The following KIAA1217 variants were observed in gnomAD, a reference collection of about 807,000 sequenced individuals.
KIAA1217 encodes the protein sickle tail protein homolog.
A neutral mutation model predicts 163.9 loss-of-function variants in KIAA1217; 88 were observed. The observed-to-expected ratio is 0.54, with a 90% CI of 0.45 to 0.64. The LOEUF (loss-of-function observed/expected upper bound fraction) is 0.64. Among genes scored for constraint, KIAA1217 ranks in the 30% least tolerant of loss-of-function variants. The pLI, the probability that KIAA1217 is intolerant of heterozygous loss-of-function variation, is 0.00. For missense variants in KIAA1217, 2,372 were observed against 2,475.0 expected (o/e 0.96, Z 0.88); for synonymous variants, 903 against 923.1 (o/e 0.98, Z 0.39).
chr10:23,739,015 A>G (rs1314852067), intron 1 of KIAA1217, among the ~76,000 whole-genome samples: 1 of 152,232 alleles, frequency 6.6e-6, no homozygotes, highest in Non-Finnish European at 1.5e-5. Flanking sequence ...AAGGTAAAGA[A>G]TGATTGGATA....
intron 2 of KIAA1217, among the ~76,000 whole-genome samples, chr10:24,185,191 G>A (rs1209039806): frequency 2.6e-5 from 4 of 152,114 alleles, no homozygotes; most frequent in African/African-American, 9.7e-5. Context: ...TCTCTGTTGT[G>A]GGAGTCTTCA....
intron 1 of KIAA1217, among the ~76,000 whole-genome samples, chr10:23,917,437 G>A (rs1387225650): frequency 6.6e-6 from 1 of 152,178 alleles, no homozygotes; most frequent in African/African-American, 2.4e-5. Context: ...TTGGCAGCAA[G>A]CCTAGGGCCT....
At chr10:23,880,007 G>A (rs1229653885) in intron 1 of KIAA1217, among the ~76,000 whole-genome samples, 1 of 151,912 alleles carries the variant, frequency 6.6e-6, no homozygotes, top group Non-Finnish European at 1.5e-5. Context: ...GGTGGTGGGT[G>A]CTGGAGGACA....
At chr10:24,129,802 C>A (rs1283190305) in intron 2 of KIAA1217, among the ~76,000 whole-genome samples, 1 of 152,054 alleles carries the variant, frequency 6.6e-6, no homozygotes, top group Non-Finnish European at 1.5e-5. Flanking sequence ...CAGTTTTTCA[C>A]AGAGTTCTTT....
intron 2 of KIAA1217, among the ~76,000 whole-genome samples, chr10:24,309,107 A>G (rs745400884): frequency 2.5e-4 from 29 of 114,612 alleles, no homozygotes; most frequent in Non-Finnish European, 4.2e-4. Context: ...TGGGTGACAG[A>G]GCAAGACTCT....
intron 6 of KIAA1217, among the ~76,000 whole-genome samples, chr10:24,492,507 T>C (rs941987127): frequency 6.6e-6 from 1 of 152,236 alleles, no homozygotes; most frequent in Admixed American, 6.5e-5. Flanking sequence ...ATACTATTAA[T>C]ACTTAAAATT....
At chr10:24,501,346 C>A (rs375249871) in intron 8 of KIAA1217, 33 bp from the exon 9 acceptor site, 59 of 1,583,664 alleles carry the variant, frequency 3.7e-5, no homozygotes, top group Non-Finnish European at 4.5e-5. Context: ...TCCTTTGTGG[C>A]CTTCTGAGTT....
chr10:24,064,446 T>C (rs1403940518), intron 2 of KIAA1217, among the ~76,000 whole-genome samples: 2 of 152,222 alleles, frequency 1.3e-5, no homozygotes, highest in Non-Finnish European at 2.9e-5. Context: ...ATTACGTTTA[T>C]TGATTTGCAT....
chr10:24,328,418 C>A (rs187318995), intron 2 of KIAA1217, among the ~76,000 whole-genome samples: 1 of 151,750 alleles, frequency 6.6e-6, no homozygotes, highest in Non-Finnish European at 1.5e-5. Context: ...AACTGGGAGG[C>A]CTGATGGTTT....
Position 24,432,968 on chromosome 10 carries a change from A to T in KIAA1217, c.554-27A>T, listed in dbSNP as rs370204534. The T allele has an allele frequency of 6.2e-6, 10 of 1,601,270 alleles. No individual in the cohort carries two copies. The African/African-American group carries it at 1.3e-4, about 21-fold the overall frequency. On this transcript the variant is annotated intron_variant, in intron 3 of 20. Transcript: ENST00000376454. ...TGTGTCCCCTGAGTCTTGACCTGTG[A>T]CTAATAACTGTTTCCTTTGTGTGCA...
At chr10:24,296,628 G>C (rs1288070434) in intron 2 of KIAA1217, among the ~76,000 whole-genome samples, 1 of 152,170 alleles carries the variant, frequency 6.6e-6, no homozygotes, top group Non-Finnish European at 1.5e-5. Context: ...AACCCAACAT[G>C]TACCATTTTC....
intron 1 of KIAA1217, among the ~76,000 whole-genome samples, chr10:23,867,634 C>T (rs939125432): frequency 6.6e-6 from 1 of 152,128 alleles, no homozygotes; most frequent in Non-Finnish European, 1.5e-5. Flanking sequence ...TGTTTTTTGG[C>T]TGCATAAATA....
chr10:24,000,721 T>G (rs1846701337), intron 1 of KIAA1217, among the ~76,000 whole-genome samples: 1 of 152,246 alleles, frequency 6.6e-6, no homozygotes, highest in Non-Finnish European at 1.5e-5. Flanking sequence ...GAAAGATTGA[T>G]GAGCATGAGA....
At chr10:24,073,233 C>A (rs2061252277) in intron 2 of KIAA1217, among the ~76,000 whole-genome samples, 1 of 152,000 alleles carries the variant, frequency 6.6e-6, no homozygotes, top group Admixed American at 6.6e-5. Flanking sequence ...GAGCTGACGT[C>A]TTTAGAAAAC....
intron 1 of KIAA1217, among the ~76,000 whole-genome samples, chr10:23,770,161 G>A (rs921688797): frequency 2.0e-5 from 3 of 152,198 alleles, no homozygotes; most frequent in African/African-American, 7.2e-5. Flanking sequence ...TCATGTATGA[G>A]GAAATTGATG....
Position 24,160,021 on chromosome 10 carries a change from A to G in KIAA1217, c.-170-59605A>G, listed in dbSNP as rs138386539. ...GTCAAAAATCAGTTGTCTATGTAAT[A>G]TTAGTGTGGGTATGTTTCTGGATTC... On this transcript the variant is annotated intron_variant, in intron 2 of 18. Coordinates refer to the KIAA1217 transcript ENST00000376462. Among the ~76,000 whole-genome samples the G allele has an allele frequency of 4.5e-4, 69 of 152,210 alleles. 2 individuals are homozygous for G. The East Asian group carries it at 0.011, about 25-fold the overall frequency.
intron 1 of KIAA1217, chr10:23,877,509 C>A (rs576053215): frequency 6.6e-6 from 1 of 151,892 alleles, no homozygotes; most frequent in South Asian, 2.1e-4. Flanking sequence ...AGTGAGACAA[C>A]GTCATAATCA....
rs542538753 is a variant in KIAA1217, at chr10:24,090,596, T to C, written c.-171+83222T>C. Among the ~76,000 whole-genome samples the C allele has an allele frequency of 1.8e-4, 27 of 151,698 alleles. 2 individuals are homozygous for C. The highest frequency in any genetic ancestry group is 6.6e-4 in the African/African-American group (27 of 41,050). On this transcript the variant is annotated intron_variant, in intron 2 of 18. Coordinates refer to the KIAA1217 transcript ENST00000376462. ...TTCCAGTTTTTCTCAAAGAGCATTT[T>C]TGAGGAGGGACTGTGAGCATTTCGA... is the stretch of plus-strand genomic sequence containing the variant.
intron 2 of KIAA1217, among the ~76,000 whole-genome samples, chr10:24,304,475 G>A (rs982305240): frequency 6.6e-6 from 1 of 152,024 alleles, no homozygotes. Context: ...AAGTAACTAG[G>A]ACTAACAGCA....
Sources: allele counts gnomAD v4.1 joint callset (sites outside exome capture counted in the v4.1 genomes callset), GRCh38; gene constraint gnomAD v4.1.1; transcripts MANE v1.5; gene names NCBI Gene and HGNC (gene_info 2026-07-23, HGNC 2026-07-21).